PALLD: variants seen among roughly 807,000 people sequenced by gnomAD.
PALLD encodes palladin.
Under a neutral mutation model 123.5 loss-of-function variants are expected in PALLD, and 61 were observed. That is an observed-to-expected ratio of 0.49 (90% CI 0.40 to 0.61). The LOEUF (loss-of-function observed/expected upper bound fraction) is 0.61. Among genes scored for constraint, PALLD ranks in the 20% least tolerant of loss-of-function variants. The pLI is 0.00. For missense variants in PALLD, 1,273 were observed against 1,377.0 expected (o/e 0.92, Z 1.20); for synonymous variants, 465 against 496.4 (o/e 0.94, Z 0.84).
At chr4:168,883,130 C>CT (rs1752857250) in intron 10 of PALLD, among the ~76,000 whole-genome samples, 1 of 147,232 alleles carries the variant, frequency 6.8e-6, no homozygotes, top group South Asian at 2.1e-4. Context: ...TTGTCATTTT[C>CT]TTTTTTAAAG....
At position 168,511,965 on chromosome 4, in the gene PALLD, C is replaced by G. The variant is rs536993034; in HGVS notation, c.461C>G (p.Pro154Arg). The G allele has an allele frequency of 3.1e-6, 5 of 1,614,160 alleles. No homozygotes were observed. The South Asian group carries it at 5.5e-5, about 18-fold the overall frequency. The part of the protein sequence containing the change: ...GAKTPSTNVK[P>R]KTPHQRKGGP... ...AAAACTCCCAGCACAAACGTAAAGC[C>G]CAAAACGCCACATCAAAGAAAGGGT... is the stretch of plus-strand genomic sequence containing the variant. The change falls in exon 2 of 22, where the codon CCC becomes CGC. Residue 154 changes from proline (P) to arginine (R), a missense_variant. Pro to Arg is a moderately radical substitution (Grantham distance 103). This residue lies in a region of PALLD where 944 missense variants were observed against 954.5 expected (regional missense o/e 0.99). Coordinates refer to ENST00000505667, the MANE Select transcript of PALLD (RefSeq NM_001166108.2).
intron 10 of PALLD, among the ~76,000 whole-genome samples, chr4:168,764,907 C>T (rs115918768): frequency 0.028 from 4,337 of 152,278 alleles, 197 homozygotes; most frequent in African/African-American, 0.096. Flanking sequence ...GCTGAGTGAG[C>T]TTCACTTAAA....
intron 10 of PALLD, among the ~76,000 whole-genome samples, chr4:168,823,857 T>TG (rs1171550648): frequency 1.3e-5 from 2 of 152,238 alleles, no homozygotes; most frequent in African/African-American, 2.4e-5. Flanking sequence ...ACTGTGTCTG[T>TG]GTTCTCCAAA....
chr4:168,680,128 T>C (rs1390542437), intron 3 of PALLD, among the ~76,000 whole-genome samples: 1 of 152,120 alleles, frequency 6.6e-6, no homozygotes, highest in African/African-American at 2.4e-5. Flanking sequence ...GAACATGCCA[T>C]GTGAATCCAT....
chr4:168,696,880 C>T lies in PALLD; in HGVS notation c.1501+5588C>T, dbSNP rs561981900. ...ATTCCAGAAGGAGAGAAGAAAGAAG[C>T]GGCGAGAGACAGGATTATCAATGAA... is the stretch of plus-strand genomic sequence containing the variant. On this transcript the variant is annotated intron_variant, in intron 8 of 21. Coordinates refer to ENST00000505667, the MANE Select transcript of PALLD (RefSeq NM_001166108.2). 7.9e-5 allele frequency among the ~76,000 whole-genome samples: 12 copies of T among 152,172 alleles called. No homozygotes were observed. In the East Asian group the frequency reaches 1.9e-3, roughly 25 times the overall value.
intron 10 of PALLD, among the ~76,000 whole-genome samples, chr4:168,834,741 TAAAA>T (rs538270317): frequency 6.7e-6 from 1 of 149,880 alleles, no homozygotes; most frequent in African/African-American, 2.5e-5. Flanking sequence ...CATCTAAAAA[TAAAA>T]AAAAAATTAA....
At chr4:168,774,254 C>A (rs1734852427) in intron 10 of PALLD, among the ~76,000 whole-genome samples, 1 of 152,148 alleles carries the variant, frequency 6.6e-6, no homozygotes, top group South Asian at 2.1e-4. Flanking sequence ...CTGCCACCTT[C>A]AAAGTCAGCA....
At chr4:168,510,673 C>T (rs1387739943) in intron 1 of PALLD, among the ~76,000 whole-genome samples, 9 of 152,154 alleles carry the variant, frequency 5.9e-5, no homozygotes. Context: ...AGTTTTAACA[C>T]ATTAAAATGA....
rs2126630580 is a variant in PALLD, at chr4:168,927,286, G to GAGGT, written c.*1109_*1112dup. On this transcript the variant is annotated 3_prime_UTR_variant, in exon 22 of 22. Transcript: ENST00000505667. ...TTAGATAAAAGTAGAAGGCACAGGAGAGGTAGCAAAGGCCAGGCTTTTCTT... is the reference window on the plus strand; with the variant it reads ...TTAGATAAAAGTAGAAGGCACAGGAGAGGTAGGTAGCAAAGGCCAGGCTTTTCTT... The GAGGT allele has an allele frequency of 4.3e-6, 1 of 231,532 alleles. No individual in the cohort carries two copies. The highest frequency in any genetic ancestry group is 6.1e-5 in the East Asian group (1 of 16,348). The allele number at this position is 231,532 out of a possible 1,614,324, so 14.3% of individuals were successfully genotyped here. A position where few individuals can be genotyped will look rare whatever the true frequency, so the allele number is the denominator to read the frequency against.
chr4:168,570,627 A>G (rs948847920), intron 2 of PALLD, among the ~76,000 whole-genome samples: 4 of 152,312 alleles, frequency 2.6e-5, no homozygotes, highest in South Asian at 4.1e-4. Context: ...CCATAGAAGC[A>G]TCTGTAACAT....
intron 10 of PALLD, among the ~76,000 whole-genome samples, chr4:168,749,210 G>C (rs1233430393): frequency 6.6e-6 from 1 of 152,124 alleles, no homozygotes; most frequent in Non-Finnish European, 1.5e-5. Context: ...TCCACCTTGA[G>C]TAAAAGCTTC....
chr4:168,662,323 C>G (rs577182104), intron 2 of PALLD, among the ~76,000 whole-genome samples: 2 of 152,294 alleles, frequency 1.3e-5, no homozygotes, highest in East Asian at 3.9e-4. Flanking sequence ...CACTCTTAGC[C>G]CATAGCAATT....
intron 3 of PALLD, among the ~76,000 whole-genome samples, chr4:168,672,111 T>G (rs2710839): frequency 2.0e-5 from 3 of 152,014 alleles, no homozygotes; most frequent in Non-Finnish European, 4.4e-5. Context: ...TTTTCTTATT[T>G]TTTTAAATTG....
chr4:168,761,642 T>TTG (rs1171780291), intron 10 of PALLD, among the ~76,000 whole-genome samples: 2 of 68,036 alleles, frequency 2.9e-5, no homozygotes, highest in Non-Finnish European at 5.9e-5. Context: ...GTTGTTGTTG[T>TTG]TTGTTTTTTT....
intron 2 of PALLD, among the ~76,000 whole-genome samples, chr4:168,651,780 GA>G (rs1778069872): frequency 6.6e-6 from 1 of 152,090 alleles, no homozygotes; most frequent in Non-Finnish European, 1.5e-5. Context: ...GAGTAAAGAA[GA>G]AAAATGAGAG....
intron 10 of PALLD, among the ~76,000 whole-genome samples, chr4:168,733,909 G>C (rs911167834): frequency 1.3e-5 from 2 of 152,074 alleles, no homozygotes; most frequent in African/African-American, 4.8e-5. Context: ...TAATTTTTTT[G>C]TATTTTTAGT....
intron 2 of PALLD, among the ~76,000 whole-genome samples, chr4:168,531,453 C>T (rs1764589192): frequency 6.6e-6 from 1 of 152,170 alleles, no homozygotes; most frequent in Admixed American, 6.6e-5. Flanking sequence ...AATTCCATTA[C>T]CACTCAGTGT....
chr4:168,631,333 A>C (rs114125695), intron 2 of PALLD, among the ~76,000 whole-genome samples: 2,451 of 152,318 alleles, frequency 0.016, 31 homozygotes, highest in Non-Finnish European at 0.026. Context: ...GAGAGCTGCA[A>C]CGTTTCCTAA....
At chr4:168,566,552 C>T (rs1768410517) in intron 2 of PALLD, among the ~76,000 whole-genome samples, 1 of 152,112 alleles carries the variant, frequency 6.6e-6, no homozygotes, top group African/African-American at 2.4e-5. Flanking sequence ...CCTACCCCAG[C>T]CTCTGAAAAT....
Sources: gnomAD v4.1 joint callset for allele counts (sites outside exome capture counted in the v4.1 genomes callset) on GRCh38, gnomAD v4.1.1 for gene constraint, gnomAD v4.1.1 regional missense constraint, MANE v1.5 for transcripts, NCBI Gene and HGNC (gene_info 2026-07-23, HGNC 2026-07-21) for gene names.